CNTN5: variants seen among roughly 807,000 people sequenced by gnomAD.
CNTN5 encodes contactin 5, also known as contactin-5.
CNTN5 carries 77 observed loss-of-function variants against 129.1 expected under a neutral mutation model. The observed-to-expected ratio is 0.60, with a 90% CI of 0.50 to 0.72. The LOEUF (loss-of-function observed/expected upper bound fraction) is 0.72. Among genes scored for constraint, CNTN5 ranks in the 30% least tolerant of loss-of-function variants. CNTN5 has a pLI of 0.00. For synonymous variants in CNTN5, 509 were observed against 465.6 expected (o/e 1.09, Z -1.20); for missense variants, 1,478 against 1,328.8 (o/e 1.11, Z -1.75).
chr11:99,392,344 A>T (rs1357880967), intron 2 of CNTN5, among the ~76,000 whole-genome samples: 3 of 151,770 alleles, frequency 2.0e-5, no homozygotes, highest in East Asian at 3.9e-4. Context: ...GAGGGAGAAA[A>T]ATACCCTCTC....
intron 3 of CNTN5, among the ~76,000 whole-genome samples, chr11:99,696,049 A>G (rs1246998029): frequency 1.3e-5 from 2 of 152,140 alleles, no homozygotes; most frequent in African/African-American, 2.4e-5. Context: ...GGATTTTTCA[A>G]CATAGTTTTC....
chr11:99,062,456 C>G (rs1392657161), intron 1 of CNTN5, among the ~76,000 whole-genome samples: 5 of 152,066 alleles, frequency 3.3e-5, no homozygotes, highest in Non-Finnish European at 7.4e-5. Context: ...ATGTTTGCCA[C>G]TGGTATGATG....
At chr11:99,060,078 A>C (rs1244803248) in intron 1 of CNTN5, among the ~76,000 whole-genome samples, 1 of 152,096 alleles carries the variant, frequency 6.6e-6, no homozygotes, top group East Asian at 1.9e-4. Flanking sequence ...TAGACTGGTT[A>C]TTTTAAAGTT....
chr11:100,111,985 G>C (rs1308473388), intron 13 of CNTN5, among the ~76,000 whole-genome samples: 1 of 152,096 alleles, frequency 6.6e-6, no homozygotes, highest in Non-Finnish European at 1.5e-5. Context: ...TTTTTTAAAT[G>C]CTGCAATTTT....
At chr11:99,895,996 G>A (rs1294817037) in intron 6 of CNTN5, among the ~76,000 whole-genome samples, 1 of 152,176 alleles carries the variant, frequency 6.6e-6, no homozygotes, top group African/African-American at 2.4e-5. Context: ...TGGGTCCCCA[G>A]CACAGCCTCC....
intron 3 of CNTN5, among the ~76,000 whole-genome samples, chr11:99,636,381 TTTC>T (rs1262131364): frequency 2.4e-4 from 5 of 21,238 alleles, no homozygotes; most frequent in African/African-American, 6.1e-4. Flanking sequence ...TCTTTTTTTT[TTTC>T]TTTTTTTTTG....
chr11:100,096,982 C>T (rs1945031961), intron 13 of CNTN5, among the ~76,000 whole-genome samples: 1 of 152,094 alleles, frequency 6.6e-6, no homozygotes, highest in African/African-American at 2.4e-5. Flanking sequence ...CAGTGTTCCA[C>T]AAGACTTTGC....
At chr11:99,285,593 G>GAAA (rs55945633) in intron 1 of CNTN5, among the ~76,000 whole-genome samples, 1 of 134,452 alleles carries the variant, frequency 7.4e-6, no homozygotes, top group African/African-American at 2.8e-5. Context: ...TCAAGTTAAA[G>GAAA]AAAAAAAAAA....
At chr11:99,844,707 C>A in intron 4 of CNTN5, 145 bp from the exon 5 acceptor site, 1 of 680,478 alleles carries the variant, frequency 1.5e-6, no homozygotes, top group South Asian at 2.1e-5. Context: ...ATGCAGTTTT[C>A]TAGCTATTCC....
At chr11:99,182,077 G>T (rs1166331557) in intron 1 of CNTN5, among the ~76,000 whole-genome samples, 1 of 152,068 alleles carries the variant, frequency 6.6e-6, no homozygotes, top group Non-Finnish European at 1.5e-5. Flanking sequence ...GTTATGGTGG[G>T]AATTTTGCCC....
chr11:99,725,544 CCTT>C, intron 3 of CNTN5, among the ~76,000 whole-genome samples: 1 of 25,516 alleles, frequency 3.9e-5, no homozygotes, highest in Non-Finnish European at 7.2e-5. Flanking sequence ...TTAATCTTTG[CCTT>C]GCCTTTGTAA....
chr11:99,922,690 T>G (rs1949968212), intron 7 of CNTN5, among the ~76,000 whole-genome samples: 1 of 152,210 alleles, frequency 6.6e-6, no homozygotes, highest in East Asian at 1.9e-4. Context: ...CAATGTAAAG[T>G]GTCAGGAGTC....
At chr11:99,576,131 C>T (rs1949342491) in intron 3 of CNTN5, among the ~76,000 whole-genome samples, 1 of 152,084 alleles carries the variant, frequency 6.6e-6, no homozygotes, top group Non-Finnish European at 1.5e-5. Context: ...TTTTCCCTAC[C>T]ACAGGTTCCG....
At chr11:99,095,506 C>T (rs151175886) in intron 1 of CNTN5, among the ~76,000 whole-genome samples, 2,389 of 151,814 alleles carry the variant, frequency 0.016, 23 homozygotes, top group Non-Finnish European at 0.025. Context: ...CTAGCATTTA[C>T]GGTAGCTCTT....
At chr11:100,095,055 G>A (rs1318871398) in intron 13 of CNTN5, among the ~76,000 whole-genome samples, 2 of 152,048 alleles carry the variant, frequency 1.3e-5, no homozygotes, top group African/African-American at 2.4e-5. Flanking sequence ...TTTTAGGATA[G>A]CATCCATATT....
At chr11:99,921,294 C>T (rs959325710) in intron 7 of CNTN5, among the ~76,000 whole-genome samples, 1 of 152,140 alleles carries the variant, frequency 6.6e-6, no homozygotes, top group Non-Finnish European at 1.5e-5. Flanking sequence ...ACTGCTTTCC[C>T]TCCTACTCTC....
chr11:100,155,086 G>GTCTT (rs1397201225), intron 13 of CNTN5, among the ~76,000 whole-genome samples: 2 of 152,076 alleles, frequency 1.3e-5, no homozygotes, highest in Non-Finnish European at 2.9e-5. Context: ...TAGTCATGAA[G>GTCTT]TCTTTGCCCA....
intron 13 of CNTN5, among the ~76,000 whole-genome samples, chr11:100,135,444 G>T (rs1016924032): frequency 1.3e-5 from 2 of 151,850 alleles, no homozygotes; most frequent in African/African-American, 4.8e-5. Context: ...CACAGTGCTG[G>T]GATTACAGGC....
chr11:99,819,441 C>A (rs1219506419), intron 3 of CNTN5, 103 bp from the exon 4 acceptor site: 1 of 961,268 alleles, frequency 1.0e-6, no homozygotes, highest in Non-Finnish European at 1.6e-6. Flanking sequence ...CTTGCAGCTC[C>A]AAAGAAGGTT....
Sources: gnomAD v4.1 joint callset for allele counts (sites outside exome capture counted in the v4.1 genomes callset) on GRCh38, gnomAD v4.1.1 for gene constraint, MANE v1.5 for transcripts, NCBI Gene and HGNC (gene_info 2026-07-23, HGNC 2026-07-21) for gene names.